The following FHIT variants were observed in gnomAD, a reference collection of about 807,000 sequenced individuals.
FHIT encodes bis(5'-adenosyl)-triphosphatase.
Under a neutral mutation model 17.9 loss-of-function variants are expected in FHIT, and 19 were observed. The observed-to-expected ratio is 1.06, with a 90% CI of 0.74 to 1.56. The LOEUF (loss-of-function observed/expected upper bound fraction) is 1.56, where lower values mean the gene tolerates loss of function less well. FHIT is among the 40% of genes most tolerant of loss of function. FHIT has a pLI of 0.00. For synonymous variants in FHIT, 81 were observed against 69.7 expected (o/e 1.16, Z -0.81); for missense variants, 248 against 189.2 (o/e 1.31, Z -1.82).
At chr3:59,756,561 T>G (rs1032223182) in intron 8 of FHIT, among the ~76,000 whole-genome samples, 1 of 152,206 alleles carries the variant, frequency 6.6e-6, no homozygotes, top group Non-Finnish European at 1.5e-5. Flanking sequence ...CATCCTGATA[T>G]GAAACAATGA....
chr3:60,618,514 G>T (rs1473870906), intron 4 of FHIT, among the ~76,000 whole-genome samples: 1 of 152,130 alleles, frequency 6.6e-6, no homozygotes, highest in Non-Finnish European at 1.5e-5. Context: ...GCTCCCTGTT[G>T]TAAGTGAGAA....
chr3:60,567,172 A>G (rs1432292578), intron 4 of FHIT, among the ~76,000 whole-genome samples: 1 of 152,152 alleles, frequency 6.6e-6, no homozygotes, highest in African/African-American at 2.4e-5. Context: ...AGCCAAAAGA[A>G]CAAAGCTGGA....
At chr3:59,910,890 A>C (rs1462059149) in intron 8 of FHIT, among the ~76,000 whole-genome samples, 2 of 152,094 alleles carry the variant, frequency 1.3e-5, no homozygotes, top group Non-Finnish European at 2.9e-5. Flanking sequence ...GATGGGAAAA[A>C]AAAGAAGGAA....
chr3:60,196,833 A>G (rs1205938308), intron 5 of FHIT, among the ~76,000 whole-genome samples: 3 of 152,030 alleles, frequency 2.0e-5, no homozygotes, highest in Non-Finnish European at 4.4e-5. Flanking sequence ...ATTTGTAAAA[A>G]AAAAAATCAA....
chr3:60,235,234 GTTT>G (rs11441829), intron 5 of FHIT, among the ~76,000 whole-genome samples: 2 of 143,086 alleles, frequency 1.4e-5, no homozygotes, highest in Non-Finnish European at 1.5e-5. Context: ...TTTGTTTGTT[GTTT>G]TTTTTTTTTT....
At chr3:59,804,924 G>T (rs1260423018) in intron 8 of FHIT, among the ~76,000 whole-genome samples, 3 of 152,116 alleles carry the variant, frequency 2.0e-5, no homozygotes, top group Non-Finnish European at 4.4e-5. Context: ...CAGGTTGGTG[G>T]GCTCTCTCGA....
intron 5 of FHIT, among the ~76,000 whole-genome samples, chr3:60,372,561 C>G (rs1263470120): frequency 6.6e-6 from 1 of 152,072 alleles, no homozygotes; most frequent in East Asian, 1.9e-4. Context: ...TGGTCCAAGA[C>G]AAAAAGAGTC....
intron 5 of FHIT, among the ~76,000 whole-genome samples, chr3:60,191,651 C>T (rs767224182): frequency 4.6e-5 from 7 of 152,040 alleles, no homozygotes; most frequent in Non-Finnish European, 8.8e-5. Flanking sequence ...AATTAATCAA[C>T]AAATGTTATT....
intron 5 of FHIT, among the ~76,000 whole-genome samples, chr3:60,462,287 T>C (rs2032521987): frequency 6.6e-6 from 1 of 152,178 alleles, no homozygotes; most frequent in African/African-American, 2.4e-5. Context: ...GGTACAGTGA[T>C]CACTCCCCTT....
chr3:60,053,713 A>T (rs1266405142), intron 5 of FHIT, among the ~76,000 whole-genome samples: 4 of 151,962 alleles, frequency 2.6e-5, no homozygotes, highest in African/African-American at 9.7e-5. Context: ...GTCATATCTG[A>T]GTCATACCTA....
chr3:60,593,981 C>T (rs1267821845), intron 4 of FHIT, among the ~76,000 whole-genome samples: 1 of 152,100 alleles, frequency 6.6e-6, no homozygotes, highest in Non-Finnish European at 1.5e-5. Context: ...GCTCTATCGA[C>T]TTCTCATGGT....
In FHIT at chr3:60,622,439, A is replaced by G. The variant is rs111278962; in HGVS notation, c.-17-85460T>C. Among the ~76,000 whole-genome samples the G allele has an allele frequency of 3.4e-3, 516 of 152,276 alleles. 3 individuals are homozygous for G. The highest frequency in any genetic ancestry group is 0.012 in the African/African-American group (495 of 41,564). ...TTTTGTCATTAGGTGGGAAGGACTA[A>G]CACACTTAAGAGAGAGAAAGGCAAA... On this transcript the variant is annotated intron_variant, in intron 4 of 9. Transcript: ENST00000492590.
At chr3:60,704,120 G>A (rs575038939) in intron 4 of FHIT, among the ~76,000 whole-genome samples, 1 of 152,056 alleles carries the variant, frequency 6.6e-6, no homozygotes, top group African/African-American at 2.4e-5. Flanking sequence ...AGTCTTCCAA[G>A]AATAAAATGA....
chr3:60,459,410 G>T (rs2032319613), intron 5 of FHIT, among the ~76,000 whole-genome samples: 1 of 152,164 alleles, frequency 6.6e-6, no homozygotes, highest in African/African-American at 2.4e-5. Flanking sequence ...AAATGAGACT[G>T]CCTGAGACTA....
chr3:60,101,422 C>T (rs75292211), intron 5 of FHIT, among the ~76,000 whole-genome samples: 4 of 152,218 alleles, frequency 2.6e-5, no homozygotes, highest in African/African-American at 9.6e-5. Flanking sequence ...AGGACTGGCT[C>T]TTGCTCATCC....
At chr3:60,904,480 C>CAAAAAAAAAAAA (rs36117889) in intron 3 of FHIT, among the ~76,000 whole-genome samples, 1 of 136,422 alleles carries the variant, frequency 7.3e-6, no homozygotes, top group African/African-American at 2.8e-5. Context: ...AATCCAAATG[C>CAAAAAAAAAAAA]AAAAAAAAAA....
Position 60,860,459 on chromosome 3 carries a change from T to TA in FHIT, c.-110-38449dup, listed in dbSNP as rs1276220065. ...ATATCATGTATATATGATACATATG[T>TA]ACATATATATGTATATATGATACAT... On this transcript the variant is annotated intron_variant, in intron 3 of 9. Coordinates refer to ENST00000492590, the MANE Select transcript of FHIT (RefSeq NM_002012.4). Among the ~76,000 whole-genome samples, 15 of 123,606 alleles carry TA rather than the reference T, an allele frequency of 1.2e-4. 1 individual carries two copies. In the South Asian group the frequency reaches 2.8e-3, roughly 23 times the overall value. 81.1% of individuals were successfully genotyped at this position (123,606 alleles called of 152,430 possible).
At chr3:60,071,584 T>C (rs1007176742) in intron 5 of FHIT, among the ~76,000 whole-genome samples, 14 of 152,174 alleles carry the variant, frequency 9.2e-5, no homozygotes, top group African/African-American at 3.4e-4. Context: ...TTGTATAGCA[T>C]CTCTGGAATA....
intron 2 of FHIT, among the ~76,000 whole-genome samples, chr3:61,192,277 C>T (rs1041567069): frequency 6.6e-6 from 1 of 152,194 alleles, no homozygotes; most frequent in South Asian, 2.1e-4. Context: ...TTCTCTTATT[C>T]TGATGGGTTT....
Sources: allele counts gnomAD v4.1 joint callset (sites outside exome capture counted in the v4.1 genomes callset), GRCh38; gene constraint gnomAD v4.1.1; transcripts MANE v1.5; gene names NCBI Gene and HGNC (gene_info 2026-07-23, HGNC 2026-07-21).